PIH1D2: variants seen among roughly 807,000 people sequenced by gnomAD.
PIH1D2 encodes the protein PIH1 domain containing 2, also known as PIH1 domain-containing protein 2.
In PIH1D2, 25 loss-of-function variants were observed where a neutral mutation model predicts 31.2. The ratio of observed to expected loss-of-function variants is 0.80; its 90% CI spans 0.58 to 1.12. The LOEUF is 1.12. Ranked by LOEUF, PIH1D2 falls within the 50% of genes most tolerant of loss-of-function variation. PIH1D2 has a pLI of 0.00. For missense variants in PIH1D2, 310 were observed against 356.6 expected (o/e 0.87, Z 1.05); for synonymous variants, 116 against 119.9 (o/e 0.97, Z 0.21).
downstream of PIH1D2, among the ~76,000 whole-genome samples, chr11:112,066,861 A>ACCTGAGGTCTG (rs587767599): frequency 1.6e-3 from 248 of 151,438 alleles, no homozygotes; most frequent in African/African-American, 5.9e-3. Context: ...TCAGGAGTTC[A>ACCTGAGGTCTG]AGACCAGCCT....
chr11:112,072,906 AAATTAGC>A, intron 2 of PIH1D2, 85 bp downstream of exon 2: 1 of 1,289,094 alleles, frequency 7.8e-7, no homozygotes, highest in African/African-American at 1.5e-5. Flanking sequence ...AAAACAAAAA[AAATTAGC>A]AATACCTAAG....
At chr11:112,062,329 G>A (rs1864685400), downstream of PIH1D2, 1 of 1,501,224 alleles carries the variant, frequency 6.7e-7, no homozygotes, top group African/African-American at 1.4e-5. Context: ...TAGGGTAGGA[G>A]TGAGCATTTG....
downstream of PIH1D2, chr11:112,062,977 G>A (rs1864728544): frequency 1.2e-5 from 2 of 163,738 alleles, no homozygotes; most frequent in Non-Finnish European, 2.7e-5. Context: ...CTTGGGGGAA[G>A]GGCTTGAATT....
rs1555185032 is a variant in PIH1D2, at chr11:112,073,090, C to T, written c.85G>A (p.Gly29Ser). The change falls in exon 2 of 6, where the codon GGC becomes AGC. Residue 29 changes from glycine to serine, a missense_variant. Coordinates refer to ENST00000280350, the MANE Select transcript of PIH1D2 (RefSeq NM_138789.4). ...LDDLAQSDPE[G>S]YEKFIQQQLK... ...TGCTGCTGAATAAACTTCTCATAGC[C>T]CTCAGGGTCACTCTGAGCTAGATCA... The T allele has an allele frequency of 1.9e-6, 3 of 1,613,906 alleles. No individual in the cohort carries two copies. Among genetic ancestry groups the T allele is most frequent in the African/African-American group, 1.3e-5 (1 of 74,860 alleles).
Position 112,073,097 on chromosome 11 carries a change from G to T in PIH1D2, c.78C>A (p.Asp26Glu). The change falls in exon 2 of 6, where the codon GAC becomes GAA. Residue 26 changes from aspartate to glutamate, a missense_variant. By Grantham distance (45) the Asp-to-Glu change is conservative. Coordinates refer to ENST00000280350, the MANE Select transcript of PIH1D2 (RefSeq NM_138789.4). ...WNLLDDLAQS[D>E]PEGYEKFIQQ... The stretch of plus-strand genomic sequence containing the variant: ...GAATAAACTTCTCATAGCCCTCAGG[G>T]TCACTCTGAGCTAGATCATCTAGGA... The T allele has an allele frequency of 6.2e-7, 1 of 1,614,036 alleles. No homozygotes were observed. Among genetic ancestry groups the T allele is most frequent in the Non-Finnish European group, 8.5e-7 (1 of 1,179,962 alleles).
chr11:112,072,093 C>CA lies in PIH1D2; in HGVS notation c.178-336dup, dbSNP rs1354480162. Among the ~76,000 whole-genome samples, 7 of 150,740 alleles carry CA rather than the reference C, an allele frequency of 4.6e-5. No individual in the cohort carries two copies. In the East Asian group the frequency reaches 5.8e-4, roughly 13 times the overall value. ...GGGTGACGAGAGTGAAACTCCATCTCAAAAAAAACAAAAACAAAAACATTT... is the reference window on the plus strand; with the variant it reads ...GGGTGACGAGAGTGAAACTCCATCTCAAAAAAAAACAAAAACAAAAACATTT... On this transcript the variant is annotated intron_variant, in intron 2 of 5. Transcript: ENST00000280350.
chr11:112,056,725 G>T, the PIH1D2 span, among the ~76,000 whole-genome samples: 1 of 152,140 alleles, frequency 6.6e-6, no homozygotes, highest in Non-Finnish European at 1.5e-5. Context: ...GTAAAATTAT[G>T]TTTAATTTTT....
At chr11:112,055,954 G>C in the PIH1D2 span, among the ~76,000 whole-genome samples, 2 of 125,350 alleles carry the variant, frequency 1.6e-5, no homozygotes, top group Non-Finnish European at 3.2e-5. Context: ...TGCAACCTCC[G>C]CCTCCCGGGT....
chr11:112,071,262 A>C lies in PIH1D2; in HGVS notation c.323T>G (p.Val108Gly), dbSNP rs966633461. Residue 108 changes from valine to glycine, a missense_variant, in exon 4 of 6, where the codon GTT (valine) becomes GGT (glycine). Transcript: ENST00000280350. ...ATGAAGAACATCAGGATTGTAGGCA[A>C]CATCAATGACTGTGTAAGCATCTGT... ...EISDAYTVID[V>G]AYNPDVLHAA... is the part of the protein sequence containing the mutation. 6.2e-7 allele frequency: 1 copy of C among 1,613,434 alleles called. No homozygotes were observed. Among genetic ancestry groups the C allele is most frequent in the Non-Finnish European group, 8.5e-7 (1 of 1,179,602 alleles).
the PIH1D2 span, among the ~76,000 whole-genome samples, chr11:112,058,168 AC>A: frequency 6.6e-6 from 1 of 152,236 alleles, no homozygotes; most frequent in South Asian, 2.1e-4. Context: ...CATTTATTTA[AC>A]ATGTACTGTT....
At chr11:112,059,293 G>A (rs1320418593), downstream of PIH1D2, among the ~76,000 whole-genome samples, 5 of 151,982 alleles carry the variant, frequency 3.3e-5, no homozygotes, top group Admixed American at 3.3e-4. Context: ...AAGGCAGACG[G>A]CAGGGGATGT....
chr11:112,058,285 T>A (rs1555182791), downstream of PIH1D2, among the ~76,000 whole-genome samples: 1 of 152,204 alleles, frequency 6.6e-6, no homozygotes, highest in African/African-American at 2.4e-5. Context: ...AAAGCAGTAT[T>A]TGCTGTGTGA....
chr11:112,064,247 C>T (rs782757875), downstream of PIH1D2: 2 of 1,537,584 alleles, frequency 1.3e-6, no homozygotes, highest in Non-Finnish European at 1.8e-6. Flanking sequence ...AAACAGTTGC[C>T]TTCTAATAAA....
the PIH1D2 span, among the ~76,000 whole-genome samples, chr11:112,056,554 G>T: frequency 4.6e-5 from 7 of 152,016 alleles, no homozygotes; most frequent in Non-Finnish European, 8.8e-5. Context: ...GTGTTTAATC[G>T]TATCAATATA....
At chr11:112,064,455 G>A, downstream of PIH1D2, 1 of 477,876 alleles carries the variant, frequency 2.1e-6, no homozygotes. Context: ...TAGATCTAGG[G>A]ACAGCCATGT....
chr11:112,070,342 A>G, intron 5 of PIH1D2, 94 bp downstream of exon 5: 1 of 1,429,708 alleles, frequency 7.0e-7, no homozygotes, highest in African/African-American at 1.4e-5. Context: ...AAATCATTGT[A>G]AGCCCCTGAA....
chr11:112,061,208 A>T (rs1566642368), downstream of PIH1D2: 1 of 1,612,610 alleles, frequency 6.2e-7, no homozygotes, highest in African/African-American at 1.3e-5. Flanking sequence ...GTCGTAAGCT[A>T]ATTTTTATTA....
At chr11:112,065,954 C>T (rs1423767966), downstream of PIH1D2, among the ~76,000 whole-genome samples, 1 of 151,404 alleles carries the variant, frequency 6.6e-6, no homozygotes, top group Middle Eastern at 3.2e-3. Flanking sequence ...GCCAAGATCG[C>T]GCCACTGCAC....
rs79999035 is a variant in PIH1D2, at chr11:112,070,403, A to G, written c.813+33T>C. ...AATATATGTTAGTGAATGCTGGCCA[A>G]TACAAATTTACAGTGTTATCTATTC... On this transcript the variant is annotated intron_variant, in intron 5 of 5. Coordinates refer to ENST00000280350, the MANE Select transcript of PIH1D2 (RefSeq NM_138789.4). 3.0e-3 allele frequency: 4,850 copies of G among 1,599,048 alleles called. 72 individuals are homozygous for G. In the African/African-American group the frequency reaches 0.041, roughly 13 times the overall value.
Sources: gnomAD v4.1 joint callset for allele counts (sites outside exome capture counted in the v4.1 genomes callset) on GRCh38, gnomAD v4.1.1 for gene constraint, MANE v1.5 for transcripts, NCBI Gene and HGNC (gene_info 2026-07-23, HGNC 2026-07-21) for gene names.